Variants in PDS5A observed in about 807,000 individuals in gnomAD.
PDS5A encodes the protein sister chromatid cohesion protein PDS5 homolog A.
Under a neutral mutation model 167.1 loss-of-function variants are expected in PDS5A, and 42 were observed. The ratio of observed to expected loss-of-function variants is 0.25; its 90% CI spans 0.20 to 0.33. PDS5A has a LOEUF of 0.33. PDS5A is among the 10% of genes least tolerant of loss of function. The pLI is 1.00. For missense variants in PDS5A, 1,033 were observed against 1,605.9 expected, an observed-to-expected ratio of 0.64 and a Z score of 6.10; for synonymous variants, 553 against 554.6, an observed-to-expected ratio of 1.00 and a Z score of 0.04.
chr4:39,878,285 T>C (rs751451847), intron 18 of PDS5A, among the ~76,000 whole-genome samples: 1 of 152,068 alleles, frequency 6.6e-6, no homozygotes, highest in African/African-American at 2.4e-5. Flanking sequence ...AGAATTAAAT[T>C]AGAAAAATGT....
At chr4:39,918,295 A>G (rs965867821) in intron 7 of PDS5A, among the ~76,000 whole-genome samples, 1 of 152,034 alleles carries the variant, frequency 6.6e-6, no homozygotes, top group Admixed American at 6.6e-5. Flanking sequence ...TACTCAGAGA[A>G]AGTCAAATAT....
intron 18 of PDS5A, among the ~76,000 whole-genome samples, chr4:39,877,864 G>A (rs189256488): frequency 6.6e-6 from 1 of 151,974 alleles, no homozygotes; most frequent in Admixed American, 6.6e-5. Flanking sequence ...GTCTTGGCTG[G>A]GATTACAGGC....
chr4:39,855,076 G>C (rs776201868), intron 26 of PDS5A, among the ~76,000 whole-genome samples: 2 of 152,054 alleles, frequency 1.3e-5, no homozygotes, highest in Non-Finnish European at 2.9e-5. Flanking sequence ...GATATCAATT[G>C]CAACAACAAA....
intron 2 of PDS5A, among the ~76,000 whole-genome samples, chr4:39,956,609 AC>A (rs1281071338): frequency 6.6e-6 from 1 of 151,828 alleles, no homozygotes; most frequent in Non-Finnish European, 1.5e-5. Context: ...TTTTATTACT[AC>A]CTGGTTTTTA....
intron 21 of PDS5A, among the ~76,000 whole-genome samples, chr4:39,872,388 G>A (rs868439240): frequency 5.3e-5 from 8 of 152,086 alleles, no homozygotes; most frequent in Admixed American, 6.5e-5. Flanking sequence ...ATTTTAGCCC[G>A]GCATGGTGGC....
intron 23 of PDS5A, among the ~76,000 whole-genome samples, chr4:39,866,215 A>C (rs901105963): frequency 6.6e-6 from 1 of 152,114 alleles, no homozygotes; most frequent in Non-Finnish European, 1.5e-5. Flanking sequence ...TCTGGTTTCA[A>C]GCGATTCTCC....
rs1008907306 is a variant in PDS5A at position 39,916,951 on chromosome 4, G to C, written c.876+97C>G. 16 of 572,174 alleles carry C rather than the reference G, an allele frequency of 2.8e-5. No homozygotes were observed. In the African/African-American group the frequency reaches 3.0e-4, roughly 11 times the overall value. The allele number at this position is 572,174 out of a possible 1,614,324, so 35.4% of individuals were successfully genotyped here. ...AATTATGCGGTATACATTTTTCCTGGAAAGTTTAAAGGGCATGAAAATTGG... is the reference window on the plus strand; with the variant it reads ...AATTATGCGGTATACATTTTTCCTGCAAAGTTTAAAGGGCATGAAAATTGG... On this transcript the variant is annotated intron_variant, in intron 8 of 32. Coordinates refer to ENST00000303538, the MANE Select transcript of PDS5A (RefSeq NM_001100399.2).
intron 2 of PDS5A, among the ~76,000 whole-genome samples, chr4:39,966,644 G>A (rs939838765): frequency 6.6e-6 from 1 of 152,202 alleles, no homozygotes; most frequent in African/African-American, 2.4e-5. Flanking sequence ...GACCAGGGTA[G>A]CTGTATTAAT....
chr4:39,964,039 A>G (rs563055159), intron 2 of PDS5A, among the ~76,000 whole-genome samples: 2 of 151,880 alleles, frequency 1.3e-5, no homozygotes, highest in African/African-American at 4.8e-5. Flanking sequence ...GAAATTAGCT[A>G]TTTATAAAAA....
chr4:39,956,665 CAG>C (rs1461482143), intron 2 of PDS5A, among the ~76,000 whole-genome samples: 1 of 151,326 alleles, frequency 6.6e-6, no homozygotes, highest in Admixed American at 6.6e-5. Flanking sequence ...AGAAGAAAGA[CAG>C]ATTTTCTTAC....
chr4:39,885,873 T>C (rs544888429), intron 17 of PDS5A, among the ~76,000 whole-genome samples: 51 of 152,260 alleles, frequency 3.3e-4, no homozygotes, highest in African/African-American at 1.2e-3. Flanking sequence ...GAGCATCACC[T>C]GAGCCCAGGA....
At chr4:39,929,537 A>G (rs1399229162) in intron 2 of PDS5A, among the ~76,000 whole-genome samples, 2 of 71,700 alleles carry the variant, frequency 2.8e-5, no homozygotes, top group Non-Finnish European at 3.5e-5. Flanking sequence ...ATATATATAT[A>G]TATATATATA....
In PDS5A at chr4:39,898,764, T is replaced by C. The variant is rs1447664352; in HGVS notation, c.1630+13A>G. On this transcript the variant is annotated intron_variant, in intron 15 of 32. Coordinates refer to ENST00000303538, the MANE Select transcript of PDS5A (RefSeq NM_001100399.2). The stretch of plus-strand genomic sequence containing the variant: ...GTTTACTACATGTTTAGTGAGTAAA[T>C]AAACATACTCACTTGCTATGGTCAT... 3.3e-6 allele frequency: 5 copies of C among 1,535,820 alleles called. No individual in the cohort carries two copies. The African/African-American group carries it at 5.4e-5, about 17-fold the overall frequency.
intron 2 of PDS5A, among the ~76,000 whole-genome samples, chr4:39,963,778 G>A (rs900545845): frequency 1.3e-5 from 2 of 151,554 alleles, no homozygotes; most frequent in African/African-American, 4.8e-5. Flanking sequence ...GGCTGCAGCA[G>A]TGAGCCGTGA....
At chr4:39,885,241 C>A in intron 17 of PDS5A, among the ~76,000 whole-genome samples, 1 of 114,804 alleles carries the variant, frequency 8.7e-6, no homozygotes, top group Non-Finnish European at 1.8e-5. Context: ...AGCAAGATTC[C>A]TTCTTAAAAA....
At chr4:39,888,661 T>TG (rs1721695352) in intron 17 of PDS5A, among the ~76,000 whole-genome samples, 1 of 150,250 alleles carries the variant, frequency 6.7e-6, no homozygotes, top group African/African-American at 2.5e-5. Context: ...ATGGAGCTCA[T>TG]TATGTTAAAT....
chr4:39,953,213 G>A (rs73229724), intron 2 of PDS5A, among the ~76,000 whole-genome samples: 10,161 of 152,228 alleles, frequency 0.067, 435 homozygotes, highest in Non-Finnish European at 0.095. Flanking sequence ...CTCCACTACA[G>A]TGAAGCTGAG....
chr4:39,873,044 G>A lies in PDS5A; in HGVS notation c.2378C>T (p.Ser793Phe). The change falls in exon 21 of 33, where the codon TCC (serine) becomes TTC (phenylalanine). Residue 793 changes from serine to phenylalanine, a missense_variant. By Grantham distance (155) the Ser-to-Phe change is radical. Around this residue, in one of 4 missense-constraint regions of PDS5A, gnomAD observed 367 missense variants for 686.7 expected, o/e 0.53. Coordinates refer to ENST00000303538, the MANE Select transcript of PDS5A (RefSeq NM_001100399.2). Reference protein sequence around the residue: ...ISMLAPDQFASPMKSVVANFI... With the variant: ...ISMLAPDQFAFPMKSVVANFI... Reference sequence around the variant, plus strand: ...ATTTGCTACTACAGATTTCATTGGGGAAGCAAACTGATCTGGTGCTAACAT... The same window carrying A: ...ATTTGCTACTACAGATTTCATTGGGAAAGCAAACTGATCTGGTGCTAACAT... The A allele has an allele frequency of 6.5e-7, 1 of 1,541,194 alleles. No individual in the cohort carries two copies. The highest frequency in any genetic ancestry group is 1.2e-5 in the South Asian group (1 of 80,662).
intron 2 of PDS5A, among the ~76,000 whole-genome samples, chr4:39,944,694 C>CAAAAAAAAAA (rs373241104): frequency 7.0e-5 from 6 of 86,110 alleles, no homozygotes; most frequent in Non-Finnish European, 7.5e-5. Flanking sequence ...AACTCCATCT[C>CAAAAAAAAAA]AAAAAAAAAA....
Sources: allele counts gnomAD v4.1 joint callset (sites outside exome capture counted in the v4.1 genomes callset), GRCh38; gene constraint gnomAD v4.1.1; regional missense constraint gnomAD v4.1.1; transcripts MANE v1.5; gene names NCBI Gene and HGNC (gene_info 2026-07-23, HGNC 2026-07-21).